Variants in CELF3 observed in about 807,000 individuals in gnomAD.
The protein encoded by CELF3 is CAG repeat domain.
Under a neutral mutation model 59.6 loss-of-function variants are expected in CELF3, and 26 were observed. The ratio of observed to expected loss-of-function variants is 0.44; its 90% confidence interval spans 0.32 to 0.61. The LOEUF (loss-of-function observed/expected upper bound fraction) is 0.61. CELF3 is among the 20% of genes least tolerant of loss of function. The pLI is 0.06. For synonymous variants in CELF3, 245 were observed against 250.7 expected (o/e 0.98, Z 0.22); for missense variants, 387 against 627.2 (o/e 0.62, Z 4.09).
At chr1:151,704,417 C>T (rs926901562) in intron 12 of CELF3, among the ~76,000 whole-genome samples, 11 of 152,116 alleles carry the variant, frequency 7.2e-5, no homozygotes, top group Middle Eastern at 3.2e-3. Context: ...ACAGGCGGCG[C>T]GACATTTCAA....
rs998283883 is a variant in CELF3 at position 151,703,280 on chromosome 1, C to T, written c.*179G>A. 1 of 456,836 alleles carries T rather than the reference C, an allele frequency of 2.2e-6. No individual in the cohort carries two copies. The highest frequency in any genetic ancestry group is 2.0e-5 in the African/African-American group (1 of 50,166). The allele number at this position is 456,836 out of a possible 1,614,324, so 28.3% of individuals were successfully genotyped here. Reference sequence around the variant, plus strand: ...GGAGCCAGGGAAGCATAGCCATGGCCCTTCAGAGAGGCAGGGGGGTGGGAG... The same window carrying T: ...GGAGCCAGGGAAGCATAGCCATGGCTCTTCAGAGAGGCAGGGGGGTGGGAG... On this transcript the variant is annotated 3_prime_UTR_variant, in exon 13 of 13. Coordinates refer to ENST00000290583, the MANE Select transcript of CELF3 (RefSeq NM_007185.7).
At position 151,707,946 on chromosome 1, in the gene CELF3, G is replaced by T. The variant is rs750546119; in HGVS notation, c.487-11C>A. 1.2e-6 allele frequency: 2 copies of T among 1,606,994 alleles called. No homozygotes were observed. The highest frequency in any genetic ancestry group is 1.7e-6 in the Non-Finnish European group (2 of 1,175,372). ...GCTGGACGAGGCACCCTGGGCACGG[G>T]CCCACACACAGGTCAGAGGTGCAGG... On this transcript the variant is annotated splice_polypyrimidine_tract_variant and intron_variant, in intron 5 of 12. Coordinates refer to ENST00000290583, the MANE Select transcript of CELF3 (RefSeq NM_007185.7).
chr1:151,703,167 A>G lies in CELF3; in HGVS notation c.*292T>C. ...TACAGAAGGCCTGTCACAGGAGCCC[A>G]GCAGAAGGCAGATACCCCGGAGCCT... is the stretch of plus-strand genomic sequence containing the variant. On this transcript the variant is annotated 3_prime_UTR_variant, in exon 13 of 13. Coordinates refer to ENST00000290583, the MANE Select transcript of CELF3 (RefSeq NM_007185.7). The G allele has an allele frequency of 2.2e-6, 1 of 460,636 alleles. No individual in the cohort carries two copies. Among genetic ancestry groups the G allele is most frequent in the Non-Finnish European group, 4.4e-6 (1 of 229,338 alleles). 28.5% of individuals were successfully genotyped at this position (460,636 alleles called of 1,614,324 possible). A position where few individuals can be genotyped will look rare whatever the true frequency, so the allele number is the denominator to read the frequency against.
At chr1:151,707,359 T>C in intron 7 of CELF3, 65 bp from the exon 8 acceptor site, 1 of 1,542,560 alleles carries the variant, frequency 6.5e-7, no homozygotes, top group Middle Eastern at 1.8e-4. Flanking sequence ...AGAGAACCAG[T>C]CAGCAAGTCT....
At chr1:151,708,248 G>T (rs778765391) in intron 5 of CELF3, 1 of 321,648 alleles carries the variant, frequency 3.1e-6, no homozygotes, top group Non-Finnish European at 5.7e-6. Flanking sequence ...CCCACCCTGG[G>T]TTGCCACAGC....
intron 2 of CELF3, chr1:151,711,151 C>G (rs1431540140): frequency 3.3e-6 from 1 of 299,540 alleles, no homozygotes; most frequent in Non-Finnish European, 6.6e-6. Flanking sequence ...GGACAAGCCA[C>G]TAGTCCCCTC....
In CELF3 at chr1:151,708,979, G is replaced by C; in HGVS notation, c.486+19C>G. The C allele has an allele frequency of 6.2e-7, 1 of 1,611,246 alleles. No individual in the cohort carries two copies. Among genetic ancestry groups the C allele is most frequent in the Non-Finnish European group, 8.5e-7 (1 of 1,178,586 alleles). ...CAGGGTGGGAAGGAGAGGCCCGGGG[G>C]CAGGGGAGTGGGGCTCACTGGCAGG... On this transcript the variant is annotated intron_variant, in intron 5 of 12. Coordinates refer to ENST00000290583, the MANE Select transcript of CELF3 (RefSeq NM_007185.7).
Position 151,705,531 on chromosome 1 carries a change from G to A in CELF3, c.1270+291C>T, listed in dbSNP as rs976494343. ...CAAAGATGTGAAGGCAGCTAAAACC[G>A]ACTCCCCAAGCCCACCTTTTGCAAA... On this transcript the variant is annotated intron_variant, in intron 11 of 12. Coordinates refer to ENST00000290583, the MANE Select transcript of CELF3 (RefSeq NM_007185.7). This position sits in a 1 kb window ranked among gnomAD's most constrained non-coding sequence, Gnocchi z 5.1. Among the ~76,000 whole-genome samples, 4 of 152,126 alleles carry A rather than the reference G, an allele frequency of 2.6e-5. No homozygotes were observed. The highest frequency in any genetic ancestry group is 1.9e-4 in the East Asian group (1 of 5,188).
At chr1:151,713,590 A>T (rs896663924) in intron 2 of CELF3, 2 of 152,168 alleles carry the variant, frequency 1.3e-5, no homozygotes, top group Non-Finnish European at 2.9e-5. Flanking sequence ...ATGGGGACCA[A>T]GCTTCCCAGG....
At position 151,714,664 on chromosome 1, in the gene CELF3, A is replaced by C; in HGVS notation, c.158T>G (p.Leu53Arg). The change falls in exon 2 of 13, where the codon CTG becomes CGG. Residue 53 changes from leucine (L) to arginine (R), a missense_variant. Leu to Arg is a moderately radical substitution (Grantham distance 102). Coordinates refer to ENST00000290583, the MANE Select transcript of CELF3 (RefSeq NM_007185.7). ...GGCTGAATCCCGGGCACAGTATGTC[A>C]GGAAGGCACATCCTGAGGAGGGGCA... ...YTGLHKGCAF[L>R]TYCARDSALK... 6.4e-7 allele frequency: 1 copy of C among 1,559,272 alleles called. No individual in the cohort carries two copies. The highest frequency in any genetic ancestry group is 8.7e-7 in the Non-Finnish European group (1 of 1,151,304).
intron 5 of CELF3, 79 bp from the exon 6 acceptor site, chr1:151,708,014 A>G (rs1558103169): frequency 9.4e-6 from 14 of 1,491,750 alleles, no homozygotes; most frequent in Non-Finnish European, 1.2e-5. Flanking sequence ...CCTGGTCTCC[A>G]TTCCACCCCC....
intron 2 of CELF3, chr1:151,711,477 G>C (rs1673011261): frequency 6.8e-6 from 1 of 146,082 alleles, no homozygotes; most frequent in Non-Finnish European, 1.5e-5. Context: ...TCTGAGAGCA[G>C]CTGGTGAGGA....
intron 1 of CELF3, among the ~76,000 whole-genome samples, chr1:151,715,427 G>C (rs544689788): frequency 6.6e-6 from 1 of 152,102 alleles, no homozygotes; most frequent in African/African-American, 2.4e-5. Flanking sequence ...GCCCAGTCCA[G>C]CTCCACGCTT....
rs1571914394 is a variant in CELF3, at chr1:151,707,192, T to C, written c.875A>G (p.Gln292Arg). 6.5e-7 allele frequency: 1 copy of C among 1,527,900 alleles called. No homozygotes were observed. The highest frequency in any genetic ancestry group is 8.7e-7 in the Non-Finnish European group (1 of 1,144,340). 94.6% of individuals were successfully genotyped at this position (1,527,900 alleles called of 1,614,324 possible). Residue 292 changes from glutamine to arginine, a missense_variant, in exon 8 of 13, where the codon CAG becomes CGG. Physicochemically the swap from Gln to Arg is conservative, Grantham distance 43. Coordinates refer to ENST00000290583, the MANE Select transcript of CELF3 (RefSeq NM_007185.7). The part of the protein sequence containing the change: ...YSPVPTQPTG[Q>R]PAPDALYPNG... ...GGGATACAGAGCATCAGGGGCAGGC[T>C]GCCCAGTGGGCTGGGTGGGCACCGG... is the stretch of plus-strand genomic sequence containing the variant.
chr1:151,707,565 C>T lies in CELF3; in HGVS notation c.714G>A (p.Gln238=), dbSNP rs1672672785. 3.1e-6 allele frequency: 5 copies of T among 1,610,206 alleles called. No homozygotes were observed. Among genetic ancestry groups the T allele is most frequent in the South Asian group, 1.1e-5 (1 of 90,778 alleles). Residue 238 remains glutamine (Q), a synonymous_variant, in exon 7 of 13, where the codon CAG becomes CAA. Coordinates refer to ENST00000290583, the MANE Select transcript of CELF3 (RefSeq NM_007185.7). ...PMATMAAVQM[Q]HMAAINANGL... ...CATTGGCATTGATGGCAGCCATGTGCTGCATCTGCACGGCAGCCATGGTGG... is the reference window on the plus strand; with the variant it reads ...CATTGGCATTGATGGCAGCCATGTGTTGCATCTGCACGGCAGCCATGGTGG...
Position 151,705,880 on chromosome 1 carries a change from G to A in CELF3, c.1212C>T (p.Gly404=). 6.2e-7 allele frequency: 1 copy of A among 1,614,182 alleles called. No individual in the cohort carries two copies. The highest frequency in any genetic ancestry group is 8.5e-7 in the Non-Finnish European group (1 of 1,180,000). The change falls in exon 11 of 13, where the codon GGC becomes GGT. Residue 404 remains glycine, a synonymous_variant. Transcript: ENST00000290583. The surrounding 1 kb of genome is among the most constrained non-coding windows in gnomAD (Gnocchi z 5.1). ...CAAAGACTTTGGCTGAGATGACGTG[G>A]CCAAAGGGGACAAACATCTGGAGGA... ...SEILQMFVPF[G]HVISAKVFVD... is the part of the protein sequence containing the mutation.
chr1:151,716,669 G>GGCC lies in CELF3; in HGVS notation c.-650_-649insGGC. 8.6e-6 allele frequency: 1 copy of GGCC among 116,324 alleles called. No individual in the cohort carries two copies. Among genetic ancestry groups the GGCC allele is most frequent in the Non-Finnish European group, 1.8e-5 (1 of 54,614 alleles). The allele number at this position is 116,324 out of a possible 1,614,324, so 7.2% of individuals were successfully genotyped here. A position where few individuals can be genotyped will look rare whatever the true frequency, so the allele number is the denominator to read the frequency against. On this transcript the variant is annotated 5_prime_UTR_variant, in exon 1 of 13. Coordinates refer to ENST00000290583, the MANE Select transcript of CELF3 (RefSeq NM_007185.7). The stretch of plus-strand genomic sequence containing the variant: ...CGCCCCCCTTCAGGTCCTCCCCTCA[G>GGCC]CCCCCCTCCCACCCCCACCCCAGTC...
rs1057188645 is a variant in CELF3, at chr1:151,709,280, C to T, written c.346G>A (p.Glu116Lys). ...QTDEDVRKMF[E>K]PFGTIDECTV... ...CACTCGTCGATGGTCCCGAAGGGCT[C>T]AAACATCTTCCGGACGTCCTCATCT... The change falls in exon 4 of 13, where the codon GAG becomes AAG. Residue 116 changes from glutamate (E) to lysine (K), a missense_variant. This residue lies in a region of CELF3 where 208 missense variants were observed against 354.8 expected (regional missense o/e 0.59). Coordinates refer to ENST00000290583, the MANE Select transcript of CELF3 (RefSeq NM_007185.7). The surrounding 1 kb of genome is among the most constrained non-coding windows in gnomAD (Gnocchi z 4.9). 1 of 1,613,976 alleles carries T rather than the reference C, an allele frequency of 6.2e-7. No homozygotes were observed. The highest frequency in any genetic ancestry group is 1.3e-5 in the African/African-American group (1 of 74,904).
chr1:151,712,981 G>A (rs960814990), intron 2 of CELF3, among the ~76,000 whole-genome samples: 2 of 152,112 alleles, frequency 1.3e-5, no homozygotes. Flanking sequence ...GGAGAATGCA[G>A]GTAGCAGGAG....
Sources: allele counts gnomAD v4.1 joint callset (sites outside exome capture counted in the v4.1 genomes callset), GRCh38; gene constraint gnomAD v4.1.1; regional missense constraint gnomAD v4.1.1; non-coding constraint Gnocchi (gnomAD v3.1); transcripts MANE v1.5; gene names NCBI Gene and HGNC (gene_info 2026-07-23, HGNC 2026-07-21).